The following PRKCE variants were observed in gnomAD, a reference collection of about 807,000 sequenced individuals.
PRKCE encodes protein kinase C epsilon type.
Under a neutral mutation model 85.4 loss-of-function variants are expected in PRKCE, and 16 were observed. The ratio of observed to expected loss-of-function variants is 0.19; its 90% CI spans 0.13 to 0.28. The LOEUF (loss-of-function observed/expected upper bound fraction) is 0.28, where lower values mean the gene tolerates loss of function less well. Among genes scored for constraint, PRKCE ranks in the 10% least tolerant of loss-of-function variants. PRKCE has a pLI of 1.00. For synonymous variants in PRKCE, 388 were observed against 371.5 expected (o/e 1.04, Z -0.51); for missense variants, 573 against 975.2 (o/e 0.59, Z 5.49).
rs866600464 is a variant in PRKCE, at chr2:46,128,805, C to T, written c.1593-16288C>T. ...ACCACACACCTAAAGACCTTCTGCA[C>T]TGGAAATGTTGGTGATCCTGGGGAG... On this transcript the variant is annotated intron_variant, in intron 11 of 14. Transcript: ENST00000306156. 2.6e-5 allele frequency among the ~76,000 whole-genome samples: 4 copies of T among 152,296 alleles called. No individual in the cohort carries two copies. In the South Asian group the frequency reaches 8.3e-4, roughly 32 times the overall value.
At chr2:45,885,706 G>A (rs1206118046) in intron 2 of PRKCE, among the ~76,000 whole-genome samples, 1 of 152,174 alleles carries the variant, frequency 6.6e-6, no homozygotes, top group Non-Finnish European at 1.5e-5. Context: ...TCATCCTAAA[G>A]TGAATTTTGG....
intron 1 of PRKCE, among the ~76,000 whole-genome samples, chr2:45,785,467 G>A (rs572609262): frequency 1.3e-5 from 2 of 151,814 alleles, no homozygotes; most frequent in Non-Finnish European, 2.9e-5. Flanking sequence ...CTCCAGCCTG[G>A]GTGACAGATG....
At chr2:45,688,167 A>C (rs1186744705) in intron 1 of PRKCE, among the ~76,000 whole-genome samples, 1 of 152,248 alleles carries the variant, frequency 6.6e-6, no homozygotes, top group Admixed American at 6.5e-5. Context: ...ACAGTCCATC[A>C]GCATAATTAT....
At chr2:45,894,021 G>T (rs980605386) in intron 2 of PRKCE, among the ~76,000 whole-genome samples, 1 of 152,134 alleles carries the variant, frequency 6.6e-6, no homozygotes, top group African/African-American at 2.4e-5. Context: ...AGATTAAAGA[G>T]GTAATGTGTA....
At chr2:45,988,761 C>T (rs1480182137) in intron 6 of PRKCE, among the ~76,000 whole-genome samples, 5 of 152,200 alleles carry the variant, frequency 3.3e-5, no homozygotes. Flanking sequence ...GTCCAGAAAT[C>T]AGCTTCCCAG....
chr2:45,829,873 A>G (rs1436497695), intron 1 of PRKCE, among the ~76,000 whole-genome samples: 1 of 151,894 alleles, frequency 6.6e-6, no homozygotes, highest in Non-Finnish European at 1.5e-5. Context: ...GGAGATCGAG[A>G]CCATCCTGGC....
intron 1 of PRKCE, among the ~76,000 whole-genome samples, chr2:45,805,466 G>A (rs1455824342): frequency 6.6e-6 from 1 of 152,164 alleles, no homozygotes; most frequent in African/African-American, 2.4e-5. Flanking sequence ...CTTTACTTGT[G>A]TGACTCTCTA....
chr2:46,040,310 G>T (rs1708144209), intron 10 of PRKCE, among the ~76,000 whole-genome samples: 1 of 152,224 alleles, frequency 6.6e-6, no homozygotes, highest in African/African-American at 2.4e-5. Flanking sequence ...CGAGTGGAAA[G>T]CAGGAATTGT....
chr2:45,993,872 C>G (rs542082812), intron 6 of PRKCE, among the ~76,000 whole-genome samples: 2 of 152,224 alleles, frequency 1.3e-5, no homozygotes, highest in South Asian at 4.2e-4. Context: ...CAAGTCGGTG[C>G]CATGGCCTGG....
chr2:45,884,436 CCCT>C (rs1553440095), intron 2 of PRKCE, among the ~76,000 whole-genome samples: 1 of 152,188 alleles, frequency 6.6e-6, no homozygotes, highest in Non-Finnish European at 1.5e-5. Flanking sequence ...GACCAGATCT[CCCT>C]GTTCTGCAAT....
At chr2:45,886,561 A>G (rs1364420467) in intron 2 of PRKCE, among the ~76,000 whole-genome samples, 1 of 152,260 alleles carries the variant, frequency 6.6e-6, no homozygotes, top group Non-Finnish European at 1.5e-5. Context: ...ACATGGGCAC[A>G]GGAAATAGTC....
intron 14 of PRKCE, among the ~76,000 whole-genome samples, chr2:46,180,426 C>A (rs1679857655): frequency 2.6e-5 from 4 of 152,120 alleles, no homozygotes; most frequent in South Asian, 4.2e-4. Context: ...AGGACTTTAC[C>A]CCAAAAGCCG....
chr2:45,815,325 C>A (rs979936068), intron 1 of PRKCE, among the ~76,000 whole-genome samples: 2 of 152,216 alleles, frequency 1.3e-5, no homozygotes, highest in African/African-American at 4.8e-5. Context: ...GTTCTTTGAG[C>A]TGCAAGTGTA....
chr2:46,030,337 C>G (rs969458128), intron 10 of PRKCE, among the ~76,000 whole-genome samples: 2 of 152,212 alleles, frequency 1.3e-5, no homozygotes, highest in Non-Finnish European at 2.9e-5. Flanking sequence ...TCCTTTAAAC[C>G]CACATGGGGC....
intron 1 of PRKCE, among the ~76,000 whole-genome samples, chr2:45,692,298 T>C (rs914423517): frequency 9.2e-5 from 14 of 152,160 alleles, no homozygotes; most frequent in African/African-American, 2.9e-4. Context: ...GGCAGGGCCA[T>C]GTTCCCTCTG....
intron 1 of PRKCE, among the ~76,000 whole-genome samples, chr2:45,809,127 C>T (rs951274177): frequency 2.6e-5 from 4 of 152,128 alleles, no homozygotes; most frequent in Admixed American, 6.5e-5. Flanking sequence ...GACTGGTCAT[C>T]TAGACTAGGG....
intron 1 of PRKCE, among the ~76,000 whole-genome samples, chr2:45,762,791 A>G (rs1684612926): frequency 6.6e-6 from 1 of 152,186 alleles, no homozygotes; most frequent in South Asian, 2.1e-4. Context: ...CTGATAGCCC[A>G]TTTTATAGAT....
chr2:45,854,114 A>G (rs1161540597), intron 2 of PRKCE, among the ~76,000 whole-genome samples: 1 of 152,152 alleles, frequency 6.6e-6, no homozygotes, highest in Non-Finnish European at 1.5e-5. Flanking sequence ...TGCTTGCCCC[A>G]TCTAAGGGCA....
intron 2 of PRKCE, among the ~76,000 whole-genome samples, chr2:45,939,088 A>C (rs1203053303): frequency 2.0e-5 from 3 of 152,080 alleles, no homozygotes; most frequent in Non-Finnish European, 4.4e-5. Context: ...CGGGCTATAA[A>C]TCTCCCCGTT....
Sources: allele counts gnomAD v4.1 joint callset (sites outside exome capture counted in the v4.1 genomes callset), GRCh38; gene constraint gnomAD v4.1.1; transcripts MANE v1.5; gene names NCBI Gene and HGNC (gene_info 2026-07-23, HGNC 2026-07-21).